The following VPS13D variants were observed in gnomAD, a reference collection of about 807,000 sequenced individuals.
VPS13D encodes the protein vacuolar protein sorting 13 homolog D, also known as intermembrane lipid transfer protein VPS13D.
Under a neutral mutation model 461.9 loss-of-function variants are expected in VPS13D, and 187 were observed. The ratio of observed to expected loss-of-function variants is 0.40; its 90% CI spans 0.36 to 0.46. The LOEUF (loss-of-function observed/expected upper bound fraction) is 0.46. Among genes scored for constraint, VPS13D ranks in the 20% least tolerant of loss-of-function variants. The pLI is 0.60. For synonymous variants in VPS13D, 1,951 were observed against 1,986.3 expected (o/e 0.98, Z 0.47); for missense variants, 4,711 against 5,364.9 (o/e 0.88, Z 3.81).
At chr1:12,368,254 T>A (rs1377115195) in intron 52 of VPS13D, among the ~76,000 whole-genome samples, 2 of 152,198 alleles carry the variant, frequency 1.3e-5, no homozygotes, top group Admixed American at 1.3e-4. Context: ...GTATAAATGT[T>A]GAGGAAATGG....
rs763703295 is a variant in VPS13D, at chr1:12,261,071, C to T, written c.1336C>T (p.Gln446Ter). The change falls in exon 12 of 70, where the codon CAG becomes TAG. Residue 446 changes from glutamine to a stop codon, truncating the protein, a stop_gained. Coordinates refer to ENST00000620676, the MANE Select transcript of VPS13D (RefSeq NM_015378.4). LOFTEE classifies it high-confidence loss of function. The part of the protein sequence containing the change: ...WFPGWGGWYG[Q>*]QTPEGNVVEG... ...TCCTGGATGGGGTGGCTGGTACGGGCAGCAGACCCCAGAAGGGAATGTGGT... is the reference window on the plus strand; with the variant it reads ...TCCTGGATGGGGTGGCTGGTACGGGTAGCAGACCCCAGAAGGGAATGTGGT... 1 of 1,613,962 alleles carries T rather than the reference C, an allele frequency of 6.2e-7. No individual in the cohort carries two copies. The highest frequency in any genetic ancestry group is 8.5e-7 in the Non-Finnish European group (1 of 1,180,044).
At chr1:12,300,232 G>A (rs1384442776) in intron 25 of VPS13D, among the ~76,000 whole-genome samples, 2 of 107,802 alleles carry the variant, frequency 1.9e-5, no homozygotes, top group Admixed American at 1.2e-4. Flanking sequence ...TTTTGAAACA[G>A]AGTCTCACTC....
Position 12,497,623 on chromosome 1 carries a change from G to C in VPS13D, c.12786G>C (p.Gln4262His). The C allele has an allele frequency of 6.2e-7, 1 of 1,612,830 alleles. No individual in the cohort carries two copies. Among genetic ancestry groups the C allele is most frequent in the Non-Finnish European group, 8.5e-7 (1 of 1,179,636 alleles). The part of the protein sequence containing the change: ...EQLFKLTDNI[Q>H]DEFFIAVENI... ...TCTTCAAACTCACAGACAACATACA[G>C]GACGAATTGTAAGTTAGAGCATGGG... Residue 4262 changes from glutamine to histidine, a missense_variant, in exon 68 of 70, where the codon CAG becomes CAC. Around this residue, in one of 3 missense-constraint regions of VPS13D, gnomAD observed 194 missense variants for 220.9 expected, o/e 0.88. Coordinates refer to ENST00000620676, the MANE Select transcript of VPS13D (RefSeq NM_015378.4).
chr1:12,260,600 G>A (rs1641076080), intron 10 of VPS13D, 93 bp from the exon 11 acceptor site: 3 of 1,043,292 alleles, frequency 2.9e-6, no homozygotes, highest in Non-Finnish European at 4.4e-6. Context: ...AGGTTTCTGT[G>A]CTTTACTTTT....
rs191592117 is a variant in VPS13D at position 12,483,496 on chromosome 1, T to A, written c.12663-14004T>A. Among the ~76,000 whole-genome samples, 442 of 152,334 alleles carry A rather than the reference T, an allele frequency of 2.9e-3. 1 individual carries two copies. Among genetic ancestry groups the A allele is most frequent in the Non-Finnish European group, 4.8e-3 (326 of 68,032 alleles). ...GTCTTTTTAGTGTGTGGTTTTTTTT[T>A]AATTCTTATCTAGTGTTGGTCTAAC... is the stretch of plus-strand genomic sequence containing the variant. On this transcript the variant is annotated intron_variant, in intron 67 of 69. Coordinates refer to ENST00000620676, the MANE Select transcript of VPS13D (RefSeq NM_015378.4).
intron 67 of VPS13D, among the ~76,000 whole-genome samples, chr1:12,491,927 C>G (rs145461796): frequency 6.6e-6 from 1 of 152,322 alleles, no homozygotes; most frequent in East Asian, 1.9e-4. Flanking sequence ...TACCGCAGAC[C>G]TTTGGCCAAA....
At chr1:12,382,035 C>T (rs1466744233) in intron 57 of VPS13D, among the ~76,000 whole-genome samples, 6 of 144,068 alleles carry the variant, frequency 4.2e-5, no homozygotes, top group Admixed American at 7.3e-5. Flanking sequence ...CTTTCTTTCT[C>T]TTTCTTTCTT....
intron 30 of VPS13D, among the ~76,000 whole-genome samples, chr1:12,317,384 G>A (rs1383829655): frequency 1.3e-5 from 2 of 152,032 alleles, no homozygotes; most frequent in African/African-American, 2.4e-5. Context: ...TTAAGTCTGC[G>A]TCTCTGACTT....
chr1:12,267,021 A>G lies in VPS13D; in HGVS notation c.1725+10A>G, dbSNP rs1050144377. Reference sequence around the variant, plus strand: ...AGTCTTCCCTAATCCAGTATGTACAACAGTTGGATAGTTAATGTATCTAAG... The same window carrying G: ...AGTCTTCCCTAATCCAGTATGTACAGCAGTTGGATAGTTAATGTATCTAAG... On this transcript the variant is annotated intron_variant, in intron 14 of 69. Coordinates refer to ENST00000620676, the MANE Select transcript of VPS13D (RefSeq NM_015378.4). The G allele has an allele frequency of 1.9e-6, 3 of 1,563,116 alleles. No homozygotes were observed. The African/African-American group carries it at 4.1e-5, about 22-fold the overall frequency.
intron 30 of VPS13D, among the ~76,000 whole-genome samples, chr1:12,316,814 G>A (rs1271223953): frequency 6.6e-6 from 1 of 151,130 alleles, no homozygotes; most frequent in African/African-American, 2.4e-5. Flanking sequence ...GCATTCAAGT[G>A]CTCCAGCCCC....
chr1:12,306,570 A>T (rs1414794393), intron 26 of VPS13D, among the ~76,000 whole-genome samples: 3 of 152,214 alleles, frequency 2.0e-5, no homozygotes, highest in Non-Finnish European at 4.4e-5. Flanking sequence ...CTTTTTTAAC[A>T]GTATATCTCC....
chr1:12,352,530 T>G (rs1643818114), intron 46 of VPS13D, among the ~76,000 whole-genome samples: 2 of 152,222 alleles, frequency 1.3e-5, no homozygotes, highest in Admixed American at 1.3e-4. Context: ...TGTTTTACTC[T>G]AATTGAAATG....
chr1:12,336,644 G>C (rs1643457594), intron 39 of VPS13D: 1 of 152,156 alleles, frequency 6.6e-6, no homozygotes, highest in Non-Finnish European at 1.5e-5. Context: ...AATTGTACTG[G>C]TTCATCTCTC....
chr1:12,279,394 C>T lies in VPS13D; in HGVS notation c.4451-105C>T. On this transcript the variant is annotated intron_variant, in intron 19 of 69. Coordinates refer to ENST00000620676, the MANE Select transcript of VPS13D (RefSeq NM_015378.4). This position sits in a 1 kb window ranked among gnomAD's most constrained non-coding sequence, Gnocchi z 4.3. ...TGCCAGGCTAACCTGCCCTCCTGGTCTAAGTGTAACTCATGGGCTGTATTT... is the reference window on the plus strand; with the variant it reads ...TGCCAGGCTAACCTGCCCTCCTGGTTTAAGTGTAACTCATGGGCTGTATTT... 1 of 1,311,962 alleles carries T rather than the reference C, an allele frequency of 7.6e-7. No homozygotes were observed. Among genetic ancestry groups the T allele is most frequent in the Non-Finnish European group, 1.0e-6 (1 of 991,752 alleles). 81.3% of individuals were successfully genotyped at this position (1,311,962 alleles called of 1,614,324 possible).
At chr1:12,483,939 A>G (rs946637890) in intron 67 of VPS13D, among the ~76,000 whole-genome samples, 48 of 151,750 alleles carry the variant, frequency 3.2e-4, no homozygotes, top group Admixed American at 2.0e-3. Context: ...TGGAGGTTGC[A>G]GTGAGCCGAG....
intron 67 of VPS13D, among the ~76,000 whole-genome samples, chr1:12,462,072 T>G (rs1645420371): frequency 6.6e-6 from 1 of 152,242 alleles, no homozygotes; most frequent in South Asian, 2.1e-4. Flanking sequence ...GAAAATTTCC[T>G]ATGAACTCAG....
intron 54 of VPS13D, among the ~76,000 whole-genome samples, chr1:12,373,095 GTTTTTT>G (rs571503565): frequency 5.4e-5 from 2 of 37,236 alleles, no homozygotes; most frequent in East Asian, 9.3e-4. Context: ...GTCTGGCTTG[GTTTTTT>G]TTTTTTTTTT....
chr1:12,235,599 G>A (rs1189217153), intron 2 of VPS13D, among the ~76,000 whole-genome samples: 1 of 152,040 alleles, frequency 6.6e-6, no homozygotes, highest in Non-Finnish European at 1.5e-5. Flanking sequence ...TAAAAAAAAA[G>A]TGTTGCTTTT....
chr1:12,275,323 T>C (rs902809169), intron 18 of VPS13D, among the ~76,000 whole-genome samples: 5 of 149,186 alleles, frequency 3.4e-5, no homozygotes, highest in African/African-American at 7.4e-5. Flanking sequence ...GCCGAGACAG[T>C]AGAATCGCTT....
Sources: allele counts gnomAD v4.1 joint callset (sites outside exome capture counted in the v4.1 genomes callset), GRCh38; gene constraint gnomAD v4.1.1; regional missense constraint gnomAD v4.1.1; non-coding constraint Gnocchi (gnomAD v3.1); transcripts MANE v1.5; gene names NCBI Gene and HGNC (gene_info 2026-07-23, HGNC 2026-07-21).